The following TRIM34 variants were observed in gnomAD, a reference collection of about 807,000 sequenced individuals.
The protein encoded by TRIM34 is tripartite motif containing 34, also known as E3 ubiquitin-protein ligase TRIM34.
TRIM34 carries 41 observed loss-of-function variants against 38.1 expected under a neutral mutation model. The ratio of observed to expected loss-of-function variants is 1.08; its 90% CI spans 0.84 to 1.40. The LOEUF (loss-of-function observed/expected upper bound fraction) is 1.40, where lower values mean the gene tolerates loss of function less well. TRIM34 is among the 40% of genes most tolerant of loss of function. The pLI is 0.00. For missense variants in TRIM34, 556 were observed against 571.4 expected (o/e 0.97, Z 0.27); for synonymous variants, 200 against 202.5 (o/e 0.99, Z 0.10).
chr11:5,641,844 T>G (rs115807872), intron 5 of TRIM34, among the ~76,000 whole-genome samples: 1 of 152,174 alleles, frequency 6.6e-6, no homozygotes, highest in East Asian at 1.9e-4. Context: ...TTTAGTTAGG[T>G]TGTCATAACT....
Position 5,641,183 on chromosome 11 carries a change from T to A in TRIM34, c.767T>A (p.Met256Lys), listed in dbSNP as rs766103279. The A allele has an allele frequency of 6.8e-6, 11 of 1,613,852 alleles. No individual in the cohort carries two copies. The highest frequency in any genetic ancestry group is 8.5e-7 in the Non-Finnish European group (1 of 1,179,864). ...MELLQDMSGI[M>K]KWSEIWRLKK... is the part of the protein sequence containing the mutation. ...TCTTTCTAGGACATGAGTGGAATCATGAAATGGTGCGTATGGGTGGCCAGG... is the reference window on the plus strand; with the variant it reads ...TCTTTCTAGGACATGAGTGGAATCAAGAAATGGTGCGTATGGGTGGCCAGG... Residue 256 changes from methionine to lysine, a missense_variant, in exon 5 of 8, where the codon ATG becomes AAG. Coordinates refer to ENST00000429814, the MANE Select transcript of TRIM34 (RefSeq NM_021616.6).
intron 4 of TRIM34, among the ~76,000 whole-genome samples, chr11:5,639,736 G>GATAGAAC (rs1190778655): frequency 1.3e-5 from 2 of 149,178 alleles, no homozygotes; most frequent in Non-Finnish European, 1.5e-5. Context: ...ATAGGCGGTG[G>GATAGAAC]ATAGAACAGG....
At chr11:5,639,645 A>G (rs2342377) in intron 4 of TRIM34, among the ~76,000 whole-genome samples, 40,718 of 136,762 alleles carry the variant, frequency 0.3, 6,549 homozygotes, top group East Asian at 0.65. Flanking sequence ...GCACCACTGC[A>G]CTCCAGCCTG....
rs1372751314 is a variant in TRIM34 at position 5,640,144 on chromosome 11, C to A, written c.751-1023C>A. On this transcript the variant is annotated intron_variant, in intron 4 of 7. Transcript: ENST00000429814. ...TGTGACTAACTGCCCTGACTAGAAC[C>A]TCCAATACCATGTTAAATAGAAGTA... Among the ~76,000 whole-genome samples the A allele has an allele frequency of 8.5e-5, 13 of 152,294 alleles. No individual in the cohort carries two copies. In the South Asian group the frequency reaches 1.2e-3, roughly 15 times the overall value.
chr11:5,640,805 T>A (rs1047258375), intron 4 of TRIM34, among the ~76,000 whole-genome samples: 5 of 152,226 alleles, frequency 3.3e-5, no homozygotes, highest in African/African-American at 1.2e-4. Context: ...AGTCTTTGAA[T>A]TCCAACTTAA....
At chr11:5,623,454 G>A (rs1481991677), upstream of TRIM34, among the ~76,000 whole-genome samples, 3 of 151,450 alleles carry the variant, frequency 2.0e-5, no homozygotes, top group Non-Finnish European at 2.9e-5. Context: ...TGCAACCTCC[G>A]CCTCCCGGGT....
At chr11:5,642,676 G>C in intron 6 of TRIM34, 141 bp from the exon 7 acceptor site, 1 of 1,318,176 alleles carries the variant, frequency 7.6e-7, no homozygotes, top group Non-Finnish European at 9.9e-7. Flanking sequence ...AAAATGGCTA[G>C]GTCTCTGGTT....
Position 5,632,446 on chromosome 11 carries a change from A to G in TRIM34, c.115A>G (p.Ile39Val), listed in dbSNP as rs1849521002. Reference sequence around the variant, plus strand: ...TGGCCACAGCCTCTGCCGAGCCTGCATCACTGTGAGCAACAAGGAGGCAGT... The same window carrying G: ...TGGCCACAGCCTCTGCCGAGCCTGCGTCACTGTGAGCAACAAGGAGGCAGT... ...DCGHSLCRAC[I>V]TVSNKEAVTS... Residue 39 changes from isoleucine (I) to valine (V), a missense_variant, in exon 2 of 8, where the codon ATC becomes GTC. Physicochemically the swap from Ile to Val is conservative, Grantham distance 29 (BLOSUM62 3). Transcript: ENST00000429814. The G allele has an allele frequency of 1.2e-6, 2 of 1,613,974 alleles. No individual in the cohort carries two copies. Among genetic ancestry groups the G allele is most frequent in the African/African-American group, 2.7e-5 (2 of 74,890 alleles).
intron 1 of TRIM34, among the ~76,000 whole-genome samples, chr11:5,629,738 C>T (rs374416836): frequency 3.9e-5 from 6 of 152,300 alleles, no homozygotes; most frequent in Admixed American, 2.0e-4. Context: ...GACGGAGTCT[C>T]GCTCTGTCGC....
rs764090732 is a variant in TRIM34, at chr11:5,642,873, T to G, written c.901+30T>G. On this transcript the variant is annotated intron_variant, in intron 7 of 7. Coordinates refer to ENST00000429814, the MANE Select transcript of TRIM34 (RefSeq NM_021616.6). ...GAAAAAGTTAGTCTTTAAATAACTGTTTTCCAATTACCTTTCAGAAGTTTA... is the reference window on the plus strand; with the variant it reads ...GAAAAAGTTAGTCTTTAAATAACTGGTTTCCAATTACCTTTCAGAAGTTTA... 7 of 1,613,264 alleles carry G rather than the reference T, an allele frequency of 4.3e-6. No homozygotes were observed. The East Asian group carries it at 1.3e-4, about 31-fold the overall frequency.
upstream of TRIM34, among the ~76,000 whole-genome samples, chr11:5,622,251 C>T (rs1368686328): frequency 1.3e-5 from 2 of 152,106 alleles, no homozygotes; most frequent in Non-Finnish European, 2.9e-5. Flanking sequence ...TGAGACCATC[C>T]TGGCCAACAT....
chr11:5,633,402 A>G (rs79096664), intron 2 of TRIM34, among the ~76,000 whole-genome samples: 3,989 of 152,172 alleles, frequency 0.026, 149 homozygotes, highest in African/African-American at 0.086. Context: ...AAGAATGAGA[A>G]ATTTTTGTCT....
At chr11:5,622,948 T>C (rs903183438), upstream of TRIM34, among the ~76,000 whole-genome samples, 19 of 152,162 alleles carry the variant, frequency 1.2e-4, no homozygotes, top group Admixed American at 1.1e-3. Context: ...AATCAATATA[T>C]GTCCGCAAAG....
intron 4 of TRIM34, 38 bp downstream of exon 4, chr11:5,634,899 A>G (rs749640906): frequency 2.4e-5 from 38 of 1,594,528 alleles, no homozygotes; most frequent in Non-Finnish European, 3.3e-5. Context: ...CTGGGAACAC[A>G]GTTCCCTCCT....
chr11:5,621,526 G>C (rs1051303688), upstream of TRIM34, among the ~76,000 whole-genome samples: 1 of 152,194 alleles, frequency 6.6e-6, no homozygotes. Context: ...CAGAAGCACA[G>C]CTCAGCTGAG....
At position 5,643,774 on chromosome 11, in the gene TRIM34, A is replaced by G. The variant is rs1850128909; in HGVS notation, c.*65A>G. 1.3e-6 allele frequency: 2 copies of G among 1,517,166 alleles called. No individual in the cohort carries two copies. Among genetic ancestry groups the G allele is most frequent in the Non-Finnish European group, 1.8e-6 (2 of 1,136,632 alleles). 94.0% of individuals were successfully genotyped at this position (1,517,166 alleles called of 1,614,324 possible). Reference sequence around the variant, plus strand: ...TATCTCCTGCAACTGACTCATCTGCAACATTCACACCATTGCTTCCTTGTG... The same window carrying G: ...TATCTCCTGCAACTGACTCATCTGCGACATTCACACCATTGCTTCCTTGTG... On this transcript the variant is annotated 3_prime_UTR_variant, in exon 8 of 8. Transcript: ENST00000429814.
upstream of TRIM34, among the ~76,000 whole-genome samples, chr11:5,623,437 G>A (rs1401547599): frequency 1.3e-5 from 2 of 151,518 alleles, no homozygotes; most frequent in East Asian, 1.9e-4. Flanking sequence ...GTGCGATCTC[G>A]GCTCACTGCA....
At chr11:5,626,130 G>A (rs1050296494) in intron 1 of TRIM34, among the ~76,000 whole-genome samples, 4 of 152,180 alleles carry the variant, frequency 2.6e-5, no homozygotes, top group Admixed American at 6.5e-5. Context: ...ATCCATGTCT[G>A]CCTACATACT....
At chr11:5,623,854 G>A (rs1166311336), upstream of TRIM34, among the ~76,000 whole-genome samples, 1 of 152,160 alleles carries the variant, frequency 6.6e-6, no homozygotes, top group African/African-American at 2.4e-5. Context: ...CCATGCATGA[G>A]TCAGATGGAG....
Sources: allele counts gnomAD v4.1 joint callset (sites outside exome capture counted in the v4.1 genomes callset), GRCh38; gene constraint gnomAD v4.1.1; transcripts MANE v1.5; gene names NCBI Gene and HGNC (gene_info 2026-07-23, HGNC 2026-07-21).